PTPRU: variants seen among roughly 807,000 people sequenced by gnomAD.
PTPRU encodes the protein receptor-type tyrosine-protein phosphatase U.
A neutral mutation model predicts 166.3 loss-of-function variants in PTPRU; 69 were observed. The ratio of observed to expected loss-of-function variants is 0.41; its 90% CI spans 0.34 to 0.51. The LOEUF is 0.51. Among genes scored for constraint, PTPRU ranks in the 20% least tolerant of loss-of-function variants. PTPRU has a pLI of 0.09. For missense variants in PTPRU, 1,657 were observed against 2,013.7 expected (o/e 0.82, Z 3.39); for synonymous variants, 793 against 814.0 (o/e 0.97, Z 0.44).
chr1:29,241,529 T>G (rs1157184774), intron 1 of PTPRU, among the ~76,000 whole-genome samples: 2 of 151,682 alleles, frequency 1.3e-5, no homozygotes, highest in African/African-American at 4.8e-5. Flanking sequence ...CATTGAAGTA[T>G]CCAGTTGTTA....
chr1:29,308,177 A>G (rs1383789977), intron 18 of PTPRU, among the ~76,000 whole-genome samples: 1 of 151,462 alleles, frequency 6.6e-6, no homozygotes, highest in Non-Finnish European at 1.5e-5. Flanking sequence ...GGGTGTGATC[A>G]TGGCTCACTG....
intron 5 of PTPRU, 99 bp from the exon 6 acceptor site, chr1:29,259,771 C>A: frequency 1.5e-6 from 2 of 1,364,014 alleles, no homozygotes; most frequent in African/African-American, 1.5e-5. Context: ...CCTATGTCCG[C>A]GCGGTGTAGT....
intron 7 of PTPRU, among the ~76,000 whole-genome samples, chr1:29,267,818 G>C (rs1456499990): frequency 2.0e-5 from 3 of 152,210 alleles, no homozygotes; most frequent in Non-Finnish European, 4.4e-5. Context: ...ATGTTCTCCA[G>C]GAGGGCAAAG....
intron 1 of PTPRU, among the ~76,000 whole-genome samples, chr1:29,252,974 G>A (rs1177828559): frequency 3.9e-5 from 6 of 152,212 alleles, no homozygotes; most frequent in Admixed American, 2.6e-4. Context: ...GACACCAGTC[G>A]CAAGTCTGGG....
chr1:29,284,605 GAC>G, intron 13 of PTPRU, 124 bp from the exon 14 acceptor site: 1 of 1,332,386 alleles, frequency 7.5e-7, no homozygotes, highest in Middle Eastern at 2.2e-4. Flanking sequence ...CAAAAGGCAG[GAC>G]ACACATTGAG....
rs763833307 is a variant in PTPRU at position 29,305,332 on chromosome 1, C to T, written c.2744-20C>T. On this transcript the variant is annotated intron_variant, in intron 17 of 29. Transcript: ENST00000373779. ...TGGGCTCCCCAGTTCAGCCCCTGCC[C>T]ACCTGCTCTGTGTTTACAGATGATC... is the stretch of plus-strand genomic sequence containing the variant. The T allele has an allele frequency of 3.7e-6, 6 of 1,613,244 alleles. No individual in the cohort carries two copies. Among genetic ancestry groups the T allele is most frequent in the Non-Finnish European group, 5.1e-6 (6 of 1,179,662 alleles).
chr1:29,316,416 T>C (rs1687903509), intron 24 of PTPRU, among the ~76,000 whole-genome samples: 1 of 152,230 alleles, frequency 6.6e-6, no homozygotes. Flanking sequence ...TGAGTATCCT[T>C]GAACAGTTCC....
At chr1:29,242,717 A>G (rs529065095) in intron 1 of PTPRU, among the ~76,000 whole-genome samples, 1 of 152,204 alleles carries the variant, frequency 6.6e-6, no homozygotes, top group African/African-American at 2.4e-5. Flanking sequence ...CAGCACCTTC[A>G]GTGAGTCCTG....
At position 29,260,285 on chromosome 1, in the gene PTPRU, G is replaced by A; in HGVS notation, c.850+241G>A. 1 of 500,370 alleles carries A rather than the reference G, an allele frequency of 2.0e-6. No individual in the cohort carries two copies. Among genetic ancestry groups the A allele is most frequent in the Non-Finnish European group, 3.4e-6 (1 of 298,468 alleles). The allele number at this position is 500,370 out of a possible 1,614,324, so 31.0% of individuals were successfully genotyped here. A position where few individuals can be genotyped will look rare whatever the true frequency, so the allele number is the denominator to read the frequency against. On this transcript the variant is annotated intron_variant, in intron 6 of 29. Coordinates refer to ENST00000373779, the MANE Select transcript of PTPRU (RefSeq NM_133178.4). This position sits in a 1 kb window ranked among gnomAD's most constrained non-coding sequence, Gnocchi z 8.3. ...GGGTCAAGGTGAGAGCCTAAAGAGG[G>A]GTGGGGTTCTGGCTGTGTGACTTCT...
intron 1 of PTPRU, among the ~76,000 whole-genome samples, chr1:29,241,456 G>A (rs1274109416): frequency 6.6e-6 from 1 of 152,042 alleles, no homozygotes; most frequent in African/African-American, 2.4e-5. Context: ...GGTTGTAGGG[G>A]TCCCCAAGTG....
At position 29,317,954 on chromosome 1, in the gene PTPRU, T is replaced by C; in HGVS notation, c.3687+33T>C. On this transcript the variant is annotated intron_variant, in intron 25 of 29. Transcript: ENST00000373779. This position sits in a 1 kb window ranked among gnomAD's most constrained non-coding sequence, Gnocchi z 5.6. Reference sequence around the variant, plus strand: ...CTTGGGGTGGAGTGGGCTCTGGGGCTCCCCTTCCCAGCAGCATCAGGGAAG... The same window carrying C: ...CTTGGGGTGGAGTGGGCTCTGGGGCCCCCCTTCCCAGCAGCATCAGGGAAG... The C allele has an allele frequency of 6.2e-7, 1 of 1,608,738 alleles. No homozygotes were observed. The highest frequency in any genetic ancestry group is 8.5e-7 in the Non-Finnish European group (1 of 1,177,340).
At chr1:29,289,710 C>T (rs775214710) in intron 14 of PTPRU, 2 of 1,613,902 alleles carry the variant, frequency 1.2e-6, no homozygotes, top group Non-Finnish European at 1.7e-6. Flanking sequence ...ACTCCTACTA[C>T]CCGTAAGTAG....
chr1:29,256,000 GC>G (rs1362431445), intron 2 of PTPRU, among the ~76,000 whole-genome samples: 17 of 152,098 alleles, frequency 1.1e-4, no homozygotes, highest in African/African-American at 3.4e-4. Context: ...TTTCATCATG[GC>G]CCCTAGAACA....
Position 29,317,110 on chromosome 1 carries a change from C to T in PTPRU, c.3514-638C>T, listed in dbSNP as rs1687932448. ...GGGGATCATGATAGACTGTGGTTCC[C>T]TGTGAGGGATCTCCAAGAACAAGAG... On this transcript the variant is annotated intron_variant, in intron 24 of 29. Coordinates refer to ENST00000373779, the MANE Select transcript of PTPRU (RefSeq NM_133178.4). The surrounding 1 kb of genome is among the most constrained non-coding windows in gnomAD (Gnocchi z 5.6). 6.6e-6 allele frequency among the ~76,000 whole-genome samples: 1 copy of T among 152,076 alleles called. No individual in the cohort carries two copies.
At chr1:29,321,363 C>G (rs550219788) in intron 26 of PTPRU, among the ~76,000 whole-genome samples, 3 of 152,296 alleles carry the variant, frequency 2.0e-5, no homozygotes, top group East Asian at 3.9e-4. Context: ...TATTGGCCCC[C>G]TGCTAAGCCA....
Position 29,260,168 on chromosome 1 carries a change from G to A in PTPRU, c.850+124G>A. 4 of 1,108,670 alleles carry A rather than the reference G, an allele frequency of 3.6e-6. No homozygotes were observed. The highest frequency in any genetic ancestry group is 4.7e-6 in the Non-Finnish European group (4 of 845,356). The allele number at this position is 1,108,670 out of a possible 1,614,324, so 68.7% of individuals were successfully genotyped here. A position where few individuals can be genotyped will look rare whatever the true frequency, so the allele number is the denominator to read the frequency against. ...GGGGCCGGCAGGGTGTCGCTGGGGC[G>A]CTATCTGAAGATGGGCCTGTGGAAA... On this transcript the variant is annotated intron_variant, in intron 6 of 29. Transcript: ENST00000373779. The surrounding 1 kb of genome is among the most constrained non-coding windows in gnomAD (Gnocchi z 8.3).
At chr1:29,308,565 T>TAAAAAAA (rs1185110388) in intron 18 of PTPRU, among the ~76,000 whole-genome samples, 2 of 26,546 alleles carry the variant, frequency 7.5e-5, no homozygotes, top group East Asian at 1.9e-3. Context: ...AGTCCCTGTC[T>TAAAAAAA]CAAAAAAAAA....
rs1258263880 is a variant in PTPRU at position 29,255,299 on chromosome 1, G to A, written c.98G>A (p.Ser33Asn). 2 of 1,613,956 alleles carry A rather than the reference G, an allele frequency of 1.2e-6. No individual in the cohort carries two copies. Among genetic ancestry groups the A allele is most frequent in the Non-Finnish European group, 8.5e-7 (1 of 1,179,852 alleles). The change falls in exon 2 of 30, where the codon AGT (serine) becomes AAT (asparagine). Residue 33 changes from serine to asparagine, a missense_variant. Ser to Asn is a conservative substitution (Grantham distance 46). This residue lies in a region of PTPRU where 453 missense variants were observed against 496.9 expected (regional missense o/e 0.91). Transcript: ENST00000373779. ...GCTGGCTGCACCTTCGAGGAGGCAA[G>A]TGACCCAGCAGTGCCCTGCGAGTAC... ...PAAGCTFEEA[S>N]DPAVPCEYSQ...
intron 5 of PTPRU, 80 bp downstream of exon 5, chr1:29,259,644 T>C: frequency 7.2e-7 from 1 of 1,380,780 alleles, no homozygotes; most frequent in Non-Finnish European, 9.8e-7. Context: ...TCCCCCCAGA[T>C]TGCTGAGTCC....
Sources: allele counts gnomAD v4.1 joint callset (sites outside exome capture counted in the v4.1 genomes callset), GRCh38; gene constraint gnomAD v4.1.1; regional missense constraint gnomAD v4.1.1; non-coding constraint Gnocchi (gnomAD v3.1); transcripts MANE v1.5; gene names NCBI Gene and HGNC (gene_info 2026-07-23, HGNC 2026-07-21).